Variants in GRM8 observed in about 807,000 individuals in gnomAD.
GRM8 encodes glutamate metabotropic receptor 8.
A neutral mutation model predicts 87.2 loss-of-function variants in GRM8; 47 were observed. The observed-to-expected ratio is 0.54, with a 90% CI of 0.43 to 0.69. The LOEUF (loss-of-function observed/expected upper bound fraction) is 0.69. Among genes scored for constraint, GRM8 ranks in the 30% least tolerant of loss-of-function variants. GRM8 has a pLI of 0.00. For synonymous variants in GRM8, 396 were observed against 404.5 expected, an observed-to-expected ratio of 0.98 and a Z score of 0.25; for missense variants, 1,019 against 1,139.2, an observed-to-expected ratio of 0.89 and a Z score of 1.52.
intron 3 of GRM8, among the ~76,000 whole-genome samples, chr7:127,078,249 C>G (rs1445035229): frequency 6.6e-6 from 1 of 152,204 alleles, no homozygotes; most frequent in African/African-American, 2.4e-5. Context: ...TTCCTGGTCC[C>G]TCTTTCCACT....
chr7:126,439,825 AGTGTGTGTGT>A (rs57638512), intron 10 of GRM8, among the ~76,000 whole-genome samples: 3 of 142,678 alleles, frequency 2.1e-5, no homozygotes, highest in South Asian at 2.4e-4. Context: ...GGCCTAGGCT[AGTGTGTGTGT>A]GTGTGTGTGT....
In GRM8 at chr7:126,504,822, C is replaced by T. The variant is rs148710478; in HGVS notation, c.2430+28130G>A. Among the ~76,000 whole-genome samples, 925 of 152,098 alleles carry T rather than the reference C, an allele frequency of 6.1e-3. 4 individuals carry two copies. Among genetic ancestry groups the T allele is most frequent in the Middle Eastern group, 0.014 (4 of 294 alleles). ...TTTACCAGTGTTTACACAGGATAAT[C>T]ATGATTGGGTGCCCCAAATTTTACA... On this transcript the variant is annotated intron_variant, in intron 9 of 10. Coordinates refer to ENST00000339582, the MANE Select transcript of GRM8 (RefSeq NM_000845.3).
intron 2 of GRM8, among the ~76,000 whole-genome samples, chr7:127,233,614 A>G (rs6961944): frequency 0.077 from 11,787 of 152,200 alleles, 688 homozygotes; most frequent in African/African-American, 0.16. Flanking sequence ...TGTCCCAAAG[A>G]AGCCTCAGTG....
chr7:126,834,882 G>C (rs1359969690), intron 6 of GRM8, among the ~76,000 whole-genome samples: 2 of 152,016 alleles, frequency 1.3e-5, no homozygotes, highest in East Asian at 1.9e-4. Context: ...AGGATTGCTT[G>C]AGCTTAGGAG....
intron 3 of GRM8, among the ~76,000 whole-genome samples, chr7:127,006,788 A>C (rs1345453077): frequency 6.6e-6 from 1 of 151,836 alleles, no homozygotes; most frequent in East Asian, 1.9e-4. Flanking sequence ...CTTAGTTCTC[A>C]CCAGATAGTC....
intron 9 of GRM8, among the ~76,000 whole-genome samples, chr7:126,523,520 A>C (rs1813327124): frequency 6.7e-6 from 1 of 148,730 alleles, no homozygotes; most frequent in Non-Finnish European, 1.5e-5. Context: ...TTTTTGAAAC[A>C]GAGTCTCACT....
chr7:126,693,489 T>C (rs7799473), intron 7 of GRM8, among the ~76,000 whole-genome samples: 5,265 of 152,292 alleles, frequency 0.035, 337 homozygotes, highest in African/African-American at 0.12. Context: ...GCAGTTTATG[T>C]GTATTAGCAT....
chr7:126,896,165 A>G (rs1000240768), intron 6 of GRM8, among the ~76,000 whole-genome samples: 4 of 149,680 alleles, frequency 2.7e-5, no homozygotes, highest in African/African-American at 4.9e-5. Flanking sequence ...TTTACATCCC[A>G]GCTCTAAATT....
intron 7 of GRM8, among the ~76,000 whole-genome samples, chr7:126,706,249 A>C (rs536442580): frequency 5.4e-4 from 82 of 152,274 alleles, no homozygotes; most frequent in African/African-American, 1.9e-3. Context: ...ATTCCTTATA[A>C]TAAATACAAT....
At chr7:126,492,808 T>C (rs1035864399) in intron 9 of GRM8, among the ~76,000 whole-genome samples, 1 of 152,062 alleles carries the variant, frequency 6.6e-6, no homozygotes, top group Non-Finnish European at 1.5e-5. Flanking sequence ...GATGGACCTC[T>C]TTTCCTTGGC....
intron 2 of GRM8, among the ~76,000 whole-genome samples, chr7:127,181,478 C>A (rs753975609): frequency 4.6e-5 from 7 of 152,078 alleles, no homozygotes; most frequent in Admixed American, 1.3e-4. Flanking sequence ...TCATTCTTCA[C>A]AGAATTAGAA....
At chr7:127,196,829 G>A (rs1795302523) in intron 2 of GRM8, among the ~76,000 whole-genome samples, 1 of 152,320 alleles carries the variant, frequency 6.6e-6, no homozygotes, top group South Asian at 2.1e-4. Context: ...ATGATAATAA[G>A]AGTGCTATCA....
At chr7:127,205,932 T>A (rs1388345360) in intron 2 of GRM8, among the ~76,000 whole-genome samples, 3 of 152,106 alleles carry the variant, frequency 2.0e-5, no homozygotes, top group African/African-American at 7.2e-5. Flanking sequence ...TATATGACCA[T>A]TATCTCTTAC....
At chr7:126,657,484 A>G (rs137964058) in intron 7 of GRM8, among the ~76,000 whole-genome samples, 42 of 152,312 alleles carry the variant, frequency 2.8e-4, no homozygotes, top group African/African-American at 7.9e-4. Flanking sequence ...GCATTAGTAA[A>G]CCAAATATAA....
chr7:126,804,117 C>T (rs11978791), intron 6 of GRM8, among the ~76,000 whole-genome samples: 3,226 of 152,318 alleles, frequency 0.021, 124 homozygotes, highest in African/African-American at 0.073. Context: ...ATCTCCTCTC[C>T]TAACTGTCCT....
chr7:126,612,475 G>A (rs1029813976), intron 7 of GRM8, among the ~76,000 whole-genome samples: 11 of 152,230 alleles, frequency 7.2e-5, no homozygotes, highest in African/African-American at 2.6e-4. Context: ...TGCACTTACA[G>A]AAGCTTAATC....
intron 2 of GRM8, among the ~76,000 whole-genome samples, chr7:127,142,970 G>C (rs535559029): frequency 6.6e-6 from 1 of 152,236 alleles, no homozygotes; most frequent in African/African-American, 2.4e-5. Context: ...GATGCCCCAT[G>C]CATCTTTCCA....
At chr7:127,046,405 A>C (rs17861397) in intron 3 of GRM8, among the ~76,000 whole-genome samples, 11 of 152,124 alleles carry the variant, frequency 7.2e-5, no homozygotes, top group African/African-American at 2.2e-4. Context: ...AAAGAAAATC[A>C]TTTTTTCTGT....
At chr7:127,223,664 G>A (rs1174176551) in intron 2 of GRM8, among the ~76,000 whole-genome samples, 8 of 152,000 alleles carry the variant, frequency 5.3e-5, no homozygotes, top group Admixed American at 6.6e-5. Context: ...TGGAGAATCA[G>A]GTCTTACCCG....
Sources: gnomAD v4.1 joint callset for allele counts (sites outside exome capture counted in the v4.1 genomes callset) on GRCh38, gnomAD v4.1.1 for gene constraint, MANE v1.5 for transcripts, NCBI Gene and HGNC (gene_info 2026-07-23, HGNC 2026-07-21) for gene names.